Variants in TUBGCP3 observed in about 807,000 individuals in gnomAD.
TUBGCP3 encodes the protein gamma-tubulin complex component 3.
A neutral mutation model predicts 123.1 loss-of-function variants in TUBGCP3; 50 were observed. The ratio of observed to expected loss-of-function variants is 0.41; its 90% CI spans 0.32 to 0.51. The LOEUF is 0.51. Ranked by LOEUF, TUBGCP3 falls within the 20% of genes least tolerant of loss-of-function variation. The probability of loss-of-function intolerance (pLI) is 0.36; values close to 1 mark genes in which losing one functional copy is unlikely to be tolerated. For synonymous variants in TUBGCP3, 405 were observed against 413.9 expected, an observed-to-expected ratio of 0.98 and a Z score of 0.26; for missense variants, 882 against 1,127.0, an observed-to-expected ratio of 0.78 and a Z score of 3.11.
intron 11 of TUBGCP3, among the ~76,000 whole-genome samples, chr13:112,539,236 G>A (rs1878305003): frequency 6.6e-6 from 1 of 152,176 alleles, no homozygotes; most frequent in African/African-American, 2.4e-5. Context: ...GGAAGATGGG[G>A]AAGGGAAGGC....
chr13:112,520,990 C>T (rs180687949), intron 14 of TUBGCP3, among the ~76,000 whole-genome samples: 7 of 152,248 alleles, frequency 4.6e-5, no homozygotes, highest in African/African-American at 1.4e-4. Context: ...TTTTATAGCA[C>T]GCATGTGATA....
intron 13 of TUBGCP3, among the ~76,000 whole-genome samples, chr13:112,526,738 T>C (rs1298051520): frequency 6.7e-6 from 1 of 150,084 alleles, no homozygotes; most frequent in Admixed American, 6.6e-5. Context: ...ATCACCACCA[T>C]CACTGCCACC....
At chr13:112,507,347 C>T (rs1284923925) in intron 17 of TUBGCP3, among the ~76,000 whole-genome samples, 7 of 152,174 alleles carry the variant, frequency 4.6e-5, no homozygotes, top group African/African-American at 1.7e-4. Context: ...TATTTTCTAG[C>T]CTTTTCAAGC....
At chr13:112,535,586 T>C (rs911518194) in intron 11 of TUBGCP3, among the ~76,000 whole-genome samples, 1 of 152,262 alleles carries the variant, frequency 6.6e-6, no homozygotes, top group African/African-American at 2.4e-5. Flanking sequence ...TTGTATCTTC[T>C]TTGGAGAAAT....
chr13:112,493,710 G>A (rs531986642), intron 20 of TUBGCP3, among the ~76,000 whole-genome samples: 1 of 148,214 alleles, frequency 6.7e-6, no homozygotes, highest in South Asian at 2.2e-4. Flanking sequence ...AACGTGGCCT[G>A]GTGTCCCTGA....
At chr13:112,565,402 A>G (rs1386172099) in intron 2 of TUBGCP3, among the ~76,000 whole-genome samples, 1 of 152,242 alleles carries the variant, frequency 6.6e-6, no homozygotes, top group African/African-American at 2.4e-5. Context: ...GGGATCAAAG[A>G]GTTTATGTGA....
chr13:112,515,728 C>T (rs1390580919), intron 17 of TUBGCP3, among the ~76,000 whole-genome samples: 1 of 152,230 alleles, frequency 6.6e-6, no homozygotes, highest in African/African-American at 2.4e-5. Context: ...GACAATTCTA[C>T]ATGTCAGTGT....
At chr13:112,535,344 T>C (rs892978887) in intron 11 of TUBGCP3, among the ~76,000 whole-genome samples, 3 of 152,188 alleles carry the variant, frequency 2.0e-5, no homozygotes, top group Non-Finnish European at 2.9e-5. Context: ...AATCCATATT[T>C]AATTTTTTTA....
At chr13:112,559,712 A>G (rs1880340296) in intron 3 of TUBGCP3, among the ~76,000 whole-genome samples, 1 of 152,226 alleles carries the variant, frequency 6.6e-6, no homozygotes, top group East Asian at 1.9e-4. Flanking sequence ...TAATTCTTAT[A>G]ATGTCCCCAA....
intron 10 of TUBGCP3, 87 bp downstream of exon 10, chr13:112,547,533 C>G: frequency 8.6e-7 from 1 of 1,169,490 alleles, no homozygotes; most frequent in East Asian, 2.9e-5. Flanking sequence ...GTGGGAAAGA[C>G]GTGCATGGGA....
chr13:112,514,973 A>G (rs1446289367), intron 17 of TUBGCP3, among the ~76,000 whole-genome samples: 1 of 152,218 alleles, frequency 6.6e-6, no homozygotes, highest in Non-Finnish European at 1.5e-5. Flanking sequence ...AAAAGTTTCA[A>G]TAGCGAGGGG....
At chr13:112,548,241 G>A in intron 8 of TUBGCP3, 65 bp from the exon 9 acceptor site, 4 of 1,346,864 alleles carry the variant, frequency 3.0e-6, no homozygotes, top group Non-Finnish European at 4.2e-6. Context: ...ATTTTAAGTG[G>A]AAAGGTATAA....
Position 112,519,090 on chromosome 13 carries a change from C to T in TUBGCP3, c.1882-47G>A. 1 of 1,499,728 alleles carries T rather than the reference C, an allele frequency of 6.7e-7. No individual in the cohort carries two copies. The highest frequency in any genetic ancestry group is 9.3e-7 in the Non-Finnish European group (1 of 1,077,048). The allele number at this position is 1,499,728 out of a possible 1,614,324, so 92.9% of individuals were successfully genotyped here. A position where few individuals can be genotyped will look rare whatever the true frequency, so the allele number is the denominator to read the frequency against. ...TAATTGCAAGACCTTAAGCTTCTTG[C>T]TGAAGAACTTGTTAACGCAAAGAAA... On this transcript the variant is annotated intron_variant, in intron 15 of 21. Transcript: ENST00000261965. The surrounding 1 kb of genome is among the most constrained non-coding windows in gnomAD (Gnocchi z 6.2).
chr13:112,581,746 A>G (rs1882290362), intron 1 of TUBGCP3, among the ~76,000 whole-genome samples: 1 of 152,190 alleles, frequency 6.6e-6, no homozygotes, highest in Admixed American at 6.5e-5. Context: ...GTACCCAGCC[A>G]GTAAAAATTA....
At chr13:112,601,139 A>G in the TUBGCP3 span, among the ~76,000 whole-genome samples, 9 of 150,132 alleles carry the variant, frequency 6.0e-5, no homozygotes, top group African/African-American at 1.7e-4. Context: ...GTGAGCCAAG[A>G]TCACGCCACT....
chr13:112,595,859 C>G, the TUBGCP3 span, among the ~76,000 whole-genome samples: 2 of 151,944 alleles, frequency 1.3e-5, no homozygotes, highest in Non-Finnish European at 1.5e-5. Context: ...TCTATTCATT[C>G]TCTGTTTTCC....
intron 1 of TUBGCP3, among the ~76,000 whole-genome samples, chr13:112,569,860 A>G (rs1444554823): frequency 6.6e-6 from 1 of 152,202 alleles, no homozygotes; most frequent in African/African-American, 2.4e-5. Flanking sequence ...CTGCAGATAG[A>G]TGTGTGGTAA....
At chr13:112,548,218 T>C in intron 8 of TUBGCP3, 42 bp from the exon 9 acceptor site, 1 of 1,488,712 alleles carries the variant, frequency 6.7e-7, no homozygotes, top group South Asian at 1.3e-5. Context: ...ACACACTCAT[T>C]ACACATTGAC....
intron 19 of TUBGCP3, among the ~76,000 whole-genome samples, chr13:112,501,616 A>G (rs1483637928): frequency 1.3e-5 from 2 of 152,258 alleles, no homozygotes; most frequent in Non-Finnish European, 2.9e-5. Context: ...TGTTATACTT[A>G]AAATTGCTTA....
Sources: gnomAD v4.1 joint callset for allele counts (sites outside exome capture counted in the v4.1 genomes callset) on GRCh38, gnomAD v4.1.1 for gene constraint, Gnocchi (gnomAD v3.1) non-coding constraint, MANE v1.5 for transcripts, NCBI Gene and HGNC (gene_info 2026-07-23, HGNC 2026-07-21) for gene names.